The following UNKL variants were observed in gnomAD, a reference collection of about 807,000 sequenced individuals.
UNKL encodes putative E3 ubiquitin-protein ligase UNKL.
Under a neutral mutation model 78.0 loss-of-function variants are expected in UNKL, and 60 were observed. That is an observed-to-expected ratio of 0.77 (90% CI 0.63 to 0.95). UNKL has a LOEUF of 0.95. UNKL is among the 40% of genes least tolerant of loss of function. UNKL has a pLI of 0.00. For synonymous variants in UNKL, 608 were observed against 474.8 expected, an observed-to-expected ratio of 1.28 and a Z score of -3.65; for missense variants, 1,159 against 1,045.7, an observed-to-expected ratio of 1.11 and a Z score of -1.49.
At chr16:1,404,503 G>A (rs770236113) in intron 2 of UNKL, among the ~76,000 whole-genome samples, 34 of 152,204 alleles carry the variant, frequency 2.2e-4, no homozygotes, top group Admixed American at 1.8e-3. Context: ...GCTGAGGGTC[G>A]ACAGAGGCAG....
At position 1,403,047 on chromosome 16, in the gene UNKL, G is replaced by C; in HGVS notation, c.464+121C>G. On this transcript the variant is annotated intron_variant, in intron 3 of 14. Coordinates refer to ENST00000389221, the MANE Select transcript of UNKL (RefSeq NM_001372107.1). The surrounding 1 kb of genome is among the most constrained non-coding windows in gnomAD (Gnocchi z 4.8). ...ACTCAGAAAGAAATTCTGGAGGAGA[G>C]AGATTTGGGCCAGCAGAGCCTGCAG... 8.1e-7 allele frequency: 1 copy of C among 1,234,942 alleles called. No homozygotes were observed. Among genetic ancestry groups the C allele is most frequent in the Non-Finnish European group, 1.1e-6 (1 of 916,322 alleles). 76.5% of individuals were successfully genotyped at this position (1,234,942 alleles called of 1,614,324 possible). A position where few individuals can be genotyped will look rare whatever the true frequency, so the allele number is the denominator to read the frequency against.
At position 1,399,054 on chromosome 16, in the gene UNKL, C is replaced by G; in HGVS notation, c.734+320G>C. The G allele has an allele frequency of 7.1e-7, 1 of 1,405,546 alleles. No homozygotes were observed. The highest frequency in any genetic ancestry group is 1.4e-5 in the African/African-American group (1 of 69,364). 87.1% of individuals were successfully genotyped at this position (1,405,546 alleles called of 1,614,324 possible). On this transcript the variant is annotated intron_variant, in intron 5 of 14. Coordinates refer to ENST00000389221, the MANE Select transcript of UNKL (RefSeq NM_001372107.1). This position sits in a 1 kb window ranked among gnomAD's most constrained non-coding sequence, Gnocchi z 5.8. ...GAGAGCGTGGCTGCAACCAGAGGCA[C>G]GGGTGGGGCACACGGGGGTCCCAGC...
intron 12 of UNKL, among the ~76,000 whole-genome samples, chr16:1,369,617 C>A (rs1189622398): frequency 6.6e-6 from 1 of 152,164 alleles, no homozygotes; most frequent in African/African-American, 2.4e-5. Context: ...GATCCGCCTG[C>A]CTCAGCCTCC....
At chr16:1,374,041 G>A (rs9927545) in intron 10 of UNKL, among the ~76,000 whole-genome samples, 2 of 3,370 alleles carry the variant, frequency 5.9e-4, no homozygotes, top group African/African-American at 4.1e-3. Flanking sequence ...GGAGCACACC[G>A]CACAGGGACT....
At chr16:1,402,461 G>A (rs949336021) in intron 3 of UNKL, among the ~76,000 whole-genome samples, 1 of 152,114 alleles carries the variant, frequency 6.6e-6, no homozygotes, top group Non-Finnish European at 1.5e-5. Context: ...AGGAGATGGA[G>A]ACCATCCTGG....
chr16:1,405,710 C>A (rs1596764271), intron 2 of UNKL, among the ~76,000 whole-genome samples: 2 of 152,034 alleles, frequency 1.3e-5, no homozygotes, highest in South Asian at 4.2e-4. Context: ...GACGCACGAG[C>A]CCCCGGGGGT....
intron 14 of UNKL, among the ~76,000 whole-genome samples, 160 bp downstream of exon 14, chr16:1,366,932 G>A (rs951029039): frequency 7.3e-4 from 63 of 86,810 alleles, no homozygotes; most frequent in African/African-American, 2.4e-3. Context: ...GGCCACAGGG[G>A]GCTGTGCTGG....
chr16:1,390,090 A>G (rs11248875), intron 9 of UNKL, among the ~76,000 whole-genome samples: 136,353 of 152,216 alleles, frequency 0.9, 61,140 homozygotes, highest in East Asian at 1. Flanking sequence ...GGCTTCAAGC[A>G]ATTCTCCTGC....
intron 2 of UNKL, among the ~76,000 whole-genome samples, chr16:1,405,242 G>GAGGGAGGGAGAGGAAAGAAAGAC (rs2037700239): frequency 6.8e-6 from 1 of 147,564 alleles, no homozygotes; most frequent in Non-Finnish European, 1.5e-5. Flanking sequence ...GGAAGGAAGG[G>GAGGGAGGGAGAGGAAAGAAAGAC]AGGGAGGGAG....
chr16:1,367,249 TCCA>T lies in UNKL; in HGVS notation c.1886_1888del (p.Val629del). On this transcript the variant is annotated inframe_deletion, in exon 14 of 15. Transcript: ENST00000389221. ...CTCCTGCAGCTGCTTCACCTGTGCC[TCCA>T]CCTCCTCCTTCTTCTGCAGCGCCAG... 1 of 1,589,628 alleles carries T rather than the reference TCCA, an allele frequency of 6.3e-7. No individual in the cohort carries two copies. The highest frequency in any genetic ancestry group is 8.5e-7 in the Non-Finnish European group (1 of 1,171,820).
intron 10 of UNKL, chr16:1,379,800 C>A (rs1567214113): frequency 2.8e-6 from 2 of 725,294 alleles, no homozygotes; most frequent in Admixed American, 6.3e-5. Context: ...CCCCCCGACT[C>A]GGGCGCACCC....
At chr16:1,398,830 G>T (rs1418678755) in intron 5 of UNKL, 2 of 1,560,054 alleles carry the variant, frequency 1.3e-6, no homozygotes, top group Non-Finnish European at 1.7e-6. Flanking sequence ...AGACCCAGGG[G>T]ACAGCTGGGG....
intron 4 of UNKL, among the ~76,000 whole-genome samples, chr16:1,400,141 C>T (rs2037452674): frequency 6.6e-6 from 1 of 152,104 alleles, no homozygotes; most frequent in Non-Finnish European, 1.5e-5. Flanking sequence ...ATTCACTGGG[C>T]CGGACGTGGT....
intron 2 of UNKL, among the ~76,000 whole-genome samples, chr16:1,412,630 G>A (rs1198553225): frequency 6.6e-6 from 1 of 152,174 alleles, no homozygotes; most frequent in Non-Finnish European, 1.5e-5. Context: ...AAATGAGCCT[G>A]CACATAAAAA....
At chr16:1,371,286 G>C (rs1349727961) in intron 11 of UNKL, among the ~76,000 whole-genome samples, 1 of 152,168 alleles carries the variant, frequency 6.6e-6, no homozygotes, top group Non-Finnish European at 1.5e-5. Context: ...CATGTGCAGG[G>C]GAGGGAAAGG....
At chr16:1,375,057 A>C (rs1432908735) in intron 10 of UNKL, among the ~76,000 whole-genome samples, 1 of 152,056 alleles carries the variant, frequency 6.6e-6, no homozygotes, top group Non-Finnish European at 1.5e-5. Flanking sequence ...CGCCACGGGG[A>C]CCATGGGAGC....
chr16:1,401,487 C>A (rs1442094001), intron 4 of UNKL, 81 bp downstream of exon 4: 1 of 1,384,800 alleles, frequency 7.2e-7, no homozygotes. Context: ...CTGAAAGGCA[C>A]AGGGAACCAA....
chr16:1,381,068 G>A (rs1424272916), intron 10 of UNKL, among the ~76,000 whole-genome samples: 2 of 152,168 alleles, frequency 1.3e-5, no homozygotes, highest in Non-Finnish European at 2.9e-5. Context: ...CGAAAGAATG[G>A]TTGGAAAAAT....
At position 1,367,112 on chromosome 16, in the gene UNKL, C is replaced by T; in HGVS notation, c.2026G>A (p.Asp676Asn). The part of the protein sequence containing the change: ...LHSLQSQLRL[D>N]LEAVDGVIFQ... ...CTCACGCCGTCCACCGCCTCCAGGT[C>T]CAGGCGCAGCTGACTCTGCAGCGAG... The change falls in exon 14 of 15, where the codon GAC becomes AAC. Residue 676 changes from aspartate (D) to asparagine (N), a missense_variant. Coordinates refer to ENST00000389221, the MANE Select transcript of UNKL (RefSeq NM_001372107.1). The T allele has an allele frequency of 6.3e-7, 1 of 1,581,196 alleles. No homozygotes were observed. Among genetic ancestry groups the T allele is most frequent in the Non-Finnish European group, 8.6e-7 (1 of 1,167,318 alleles).
Sources: gnomAD v4.1 joint callset for allele counts (sites outside exome capture counted in the v4.1 genomes callset) on GRCh38, gnomAD v4.1.1 for gene constraint, Gnocchi (gnomAD v3.1) non-coding constraint, MANE v1.5 for transcripts, NCBI Gene and HGNC (gene_info 2026-07-23, HGNC 2026-07-21) for gene names.